Variants in PCDHA8 observed in about 807,000 individuals in gnomAD.
PCDHA8 encodes protocadherin alpha-8.
PCDHA8 carries 53 observed loss-of-function variants against 61.8 expected under a neutral mutation model. The observed-to-expected ratio is 0.86, with a 90% CI of 0.69 to 1.08. The LOEUF (loss-of-function observed/expected upper bound fraction) is 1.08. PCDHA8 is among the 50% of genes least tolerant of loss of function. The pLI is 0.00. For missense variants in PCDHA8, 1,293 were observed against 1,245.0 expected (o/e 1.04, Z -0.58); for synonymous variants, 618 against 556.6 (o/e 1.11, Z -1.55).
At chr5:140,990,318 A>C (rs2097387548) in intron 3 of PCDHA8, among the ~76,000 whole-genome samples, 1 of 152,054 alleles carries the variant, frequency 6.6e-6, no homozygotes, top group Admixed American at 6.5e-5. Context: ...AACCAACCAA[A>C]CAAACTTTAA....
chr5:140,939,851 A>G (rs1313215259), intron 1 of PCDHA8, among the ~76,000 whole-genome samples: 2 of 152,206 alleles, frequency 1.3e-5, no homozygotes, highest in African/African-American at 4.8e-5. Context: ...TGTGTTCTGT[A>G]TATGTCCATT....
chr5:140,857,727 AC>A, intron 1 of PCDHA8: 1 of 1,597,294 alleles, frequency 6.3e-7, no homozygotes, highest in Non-Finnish European at 8.6e-7. Context: ...GAGAACGACA[AC>A]GCTCCCGCGC....
intron 1 of PCDHA8, chr5:140,849,848 C>T (rs1554143388): frequency 6.3e-6 from 10 of 1,598,544 alleles, no homozygotes; most frequent in African/African-American, 4.0e-5. Context: ...TGAACGACAA[C>T]GCACCAGCGT....
intron 1 of PCDHA8, chr5:140,868,711 A>G (rs2050603151): frequency 1.1e-5 from 2 of 187,754 alleles, no homozygotes; most frequent in Non-Finnish European, 2.2e-5. Flanking sequence ...AGACACAATA[A>G]TTTAAATTTG....
chr5:140,988,308 G>T (rs75602297), intron 3 of PCDHA8, among the ~76,000 whole-genome samples: 1,856 of 152,298 alleles, frequency 0.012, 44 homozygotes, highest in African/African-American at 0.043. Context: ...TGCCAGCTTG[G>T]CTTGGCTTTC....
chr5:140,969,783 A>G (rs1293806015), intron 1 of PCDHA8, among the ~76,000 whole-genome samples: 1 of 152,228 alleles, frequency 6.6e-6, no homozygotes, highest in Non-Finnish European at 1.5e-5. Context: ...GGGCTATCAT[A>G]GTCACCACTA....
chr5:140,985,488 A>G (rs1554247116), intron 3 of PCDHA8, among the ~76,000 whole-genome samples: 1 of 152,156 alleles, frequency 6.6e-6, no homozygotes, highest in Non-Finnish European at 1.5e-5. Flanking sequence ...CCAGACTCAA[A>G]TAGAGCCTGC....
intron 1 of PCDHA8, among the ~76,000 whole-genome samples, chr5:140,874,637 AC>A (rs1177845104): frequency 4.6e-5 from 7 of 152,256 alleles, no homozygotes; most frequent in African/African-American, 1.7e-4. Flanking sequence ...AAAGTGCTTT[AC>A]TTTTGCTAGA....
At chr5:140,859,835 A>G (rs2046039280) in intron 1 of PCDHA8, 1 of 152,134 alleles carries the variant, frequency 6.6e-6, no homozygotes, top group South Asian at 2.1e-4. Context: ...TGTATTTGTT[A>G]TTTTATCAAA....
intron 1 of PCDHA8, among the ~76,000 whole-genome samples, chr5:140,951,082 CTTT>C (rs573059224): frequency 6.6e-6 from 1 of 151,404 alleles, no homozygotes; most frequent in African/African-American, 2.4e-5. Flanking sequence ...TTATATTTTC[CTTT>C]TTTTCTGATA....
At chr5:140,875,684 A>T (rs1236163720) in intron 1 of PCDHA8, 1 of 1,613,854 alleles carries the variant, frequency 6.2e-7, no homozygotes, top group Non-Finnish European at 8.5e-7. Flanking sequence ...TCCAAAAGAC[A>T]CGGGGACCTT....
chr5:140,877,702 G>T, intron 1 of PCDHA8: 2 of 1,613,996 alleles, frequency 1.2e-6, no homozygotes, highest in Admixed American at 3.3e-5. Context: ...GTGCTCCAGC[G>T]CCGTGGGGAG....
intron 1 of PCDHA8, chr5:140,968,910 T>G (rs782307931): frequency 1.9e-6 from 3 of 1,613,974 alleles, no homozygotes; most frequent in Non-Finnish European, 2.5e-6. Flanking sequence ...TTAAGCACAG[T>G]GTCTTTTATA....
chr5:140,852,967 C>T (rs1446312366), intron 1 of PCDHA8: 3 of 408,074 alleles, frequency 7.4e-6, no homozygotes, highest in South Asian at 2.0e-4. Flanking sequence ...CAAGCTCCCC[C>T]TCCCGTGTTC....
At chr5:140,862,305 C>T (rs953461441) in intron 1 of PCDHA8, 3 of 278,650 alleles carry the variant, frequency 1.1e-5, no homozygotes, top group Non-Finnish European at 2.1e-5. Flanking sequence ...CCACTGGGTA[C>T]CGTCATAGCC....
rs2150363462 is a variant in PCDHA8 at position 140,843,611 on chromosome 5, C to A, written c.2290C>A (p.Pro764Thr). 3 of 1,595,894 alleles carry A rather than the reference C, an allele frequency of 1.9e-6. No individual in the cohort carries two copies. In the South Asian group the frequency reaches 3.3e-5, roughly 18 times the overall value. ...QPQRVCSGEG[P>T]PKTDLMAFSP... is the part of the protein sequence containing the mutation. ...GCAGAGGGTGTGCTCTGGTGAGGGG[C>A]CACCGAAGACGGACCTCATGGCCTT... The change falls in exon 1 of 4, where the codon CCA becomes ACA. Residue 764 changes from proline (P) to threonine (T), a missense_variant. Coordinates refer to ENST00000531613, the MANE Select transcript of PCDHA8 (RefSeq NM_018911.3).
intron 1 of PCDHA8, among the ~76,000 whole-genome samples, chr5:140,897,022 A>G (rs1009125089): frequency 2.6e-5 from 4 of 152,142 alleles, no homozygotes; most frequent in Non-Finnish European, 2.9e-5. Flanking sequence ...CAACTAAATT[A>G]TTTAGACCAT....
At chr5:140,919,925 G>A (rs2079351459) in intron 1 of PCDHA8, among the ~76,000 whole-genome samples, 1 of 152,124 alleles carries the variant, frequency 6.6e-6, no homozygotes, top group African/African-American at 2.4e-5. Flanking sequence ...AAATTTTCAG[G>A]TGGGGGCTAA....
At chr5:140,865,966 T>C (rs1376241258) in intron 1 of PCDHA8, 5 of 152,194 alleles carry the variant, frequency 3.3e-5, no homozygotes, top group Non-Finnish European at 2.9e-5. Context: ...TTTTGTACAA[T>C]GTGTGATTGA....
Sources: allele counts gnomAD v4.1 joint callset (sites outside exome capture counted in the v4.1 genomes callset), GRCh38; gene constraint gnomAD v4.1.1; transcripts MANE v1.5; gene names NCBI Gene and HGNC (gene_info 2026-07-23, HGNC 2026-07-21).